AKAP13: variants seen among roughly 807,000 people sequenced by gnomAD.
The protein encoded by AKAP13 is A-kinase anchoring protein 13, also known as A-kinase anchor protein 13.
AKAP13 carries 80 observed loss-of-function variants against 264.5 expected under a neutral mutation model. The observed-to-expected ratio is 0.30, with a 90% CI of 0.25 to 0.36. The LOEUF is 0.36. Ranked by LOEUF, AKAP13 falls within the 10% of genes least tolerant of loss-of-function variation. The probability of loss-of-function intolerance (pLI) is 1.00; values close to 1 mark genes in which losing one functional copy is unlikely to be tolerated. For synonymous variants in AKAP13, 1,380 were observed against 1,250.2 expected (o/e 1.10, Z -2.19); for missense variants, 3,712 against 3,435.2 (o/e 1.08, Z -2.01).
intron 1 of AKAP13, among the ~76,000 whole-genome samples, chr15:85,410,142 T>C (rs986603221): frequency 1.3e-5 from 2 of 151,624 alleles, no homozygotes; most frequent in Non-Finnish European, 2.9e-5. Context: ...ATCTTTTGAG[T>C]AATGTCTCCT....
At chr15:85,434,490 G>A (rs2073178512) in intron 1 of AKAP13, among the ~76,000 whole-genome samples, 1 of 152,328 alleles carries the variant, frequency 6.6e-6, no homozygotes. Context: ...AGGCCTGCCT[G>A]CCTCTGTAGG....
chr15:85,650,237 C>T (rs924327967), intron 10 of AKAP13, among the ~76,000 whole-genome samples: 5 of 152,110 alleles, frequency 3.3e-5, no homozygotes, highest in Non-Finnish European at 7.3e-5. Context: ...TGACACCAGC[C>T]TGGGCAACAT....
At chr15:85,534,880 G>A (rs2151193609) in intron 4 of AKAP13, 1 of 149,370 alleles carries the variant, frequency 6.7e-6, no homozygotes, top group Non-Finnish European at 1.5e-5. Context: ...ATGTGTACCT[G>A]GAGTTCAATA....
At chr15:85,469,981 G>T (rs2074900450) in intron 1 of AKAP13, among the ~76,000 whole-genome samples, 1 of 152,144 alleles carries the variant, frequency 6.6e-6, no homozygotes, top group African/African-American at 2.4e-5. Context: ...GTAACATATA[G>T]GGCAGTACTA....
At chr15:85,387,731 T>G (rs1360278894) in intron 1 of AKAP13, among the ~76,000 whole-genome samples, 2 of 152,168 alleles carry the variant, frequency 1.3e-5, no homozygotes, top group Non-Finnish European at 2.9e-5. Flanking sequence ...AGACCTTAGA[T>G]TTTTGATTAG....
chr15:85,488,108 A>T (rs754517889), intron 2 of AKAP13, among the ~76,000 whole-genome samples: 1 of 152,146 alleles, frequency 6.6e-6, no homozygotes, highest in Non-Finnish European at 1.5e-5. Flanking sequence ...TATGCTGCCC[A>T]GGTTGGGCTC....
At chr15:85,734,135 CTT>C (rs1318841401) in intron 30 of AKAP13, among the ~76,000 whole-genome samples, 1 of 143,740 alleles carries the variant, frequency 7.0e-6, no homozygotes, top group Admixed American at 7.0e-5. Flanking sequence ...ACCCAGCTGT[CTT>C]TTGTCATTTT....
At position 85,747,775 on chromosome 15, in the gene AKAP13, G is replaced by A. The variant is rs755191479; in HGVS notation, c.*3098G>A. The A allele has an allele frequency of 6.5e-6, 1 of 152,692 alleles. No individual in the cohort carries two copies. The highest frequency in any genetic ancestry group is 2.1e-4 in the South Asian group (1 of 4,832). The allele number at this position is 152,692 out of a possible 1,614,324, so 9.5% of individuals were successfully genotyped here. ...CCTCTACCCCCGTGAGAGCTATCTG[G>A]GGGGAAGAATCCTTACCAAGGTTTT... On this transcript the variant is annotated 3_prime_UTR_variant, in exon 37 of 37. Transcript: ENST00000394518.
intron 12 of AKAP13, among the ~76,000 whole-genome samples, chr15:85,663,393 G>C (rs1383361947): frequency 6.6e-6 from 1 of 151,790 alleles, no homozygotes; most frequent in African/African-American, 2.4e-5. Context: ...CTATTATATT[G>C]AAGAAAAACA....
At chr15:85,670,184 C>T (rs2083843114) in intron 14 of AKAP13, among the ~76,000 whole-genome samples, 1 of 152,034 alleles carries the variant, frequency 6.6e-6, no homozygotes, top group Non-Finnish European at 1.5e-5. Context: ...CCCATGTATT[C>T]TTCACGTCCA....
chr15:85,499,690 C>T (rs1157625039), intron 2 of AKAP13, among the ~76,000 whole-genome samples: 2 of 151,484 alleles, frequency 1.3e-5, no homozygotes, highest in African/African-American at 4.9e-5. Context: ...TAAAGAAAAA[C>T]ACTTATCTTT....
At chr15:85,425,656 C>T (rs2072742154) in intron 1 of AKAP13, among the ~76,000 whole-genome samples, 1 of 146,872 alleles carries the variant, frequency 6.8e-6, no homozygotes, top group Non-Finnish European at 1.5e-5. Flanking sequence ...GTGGACATTG[C>T]AGTGAGTTGA....
At chr15:85,601,606 CTT>C (rs1491197977) in intron 8 of AKAP13, among the ~76,000 whole-genome samples, 20 of 46,570 alleles carry the variant, frequency 4.3e-4, no homozygotes, top group African/African-American at 1.9e-3. Context: ...CACCTGAATT[CTT>C]TGTGTGTGTG....
At chr15:85,662,508 C>T (rs2083402543) in intron 12 of AKAP13, 1 of 1,606,068 alleles carries the variant, frequency 6.2e-7, no homozygotes. Context: ...AATACGCCAT[C>T]AGGGCTTTTG....
chr15:85,693,472 T>A (rs752966419), intron 17 of AKAP13, 21 bp downstream of exon 17: 2 of 1,609,078 alleles, frequency 1.2e-6, no homozygotes, highest in East Asian at 2.2e-5. Context: ...TGCTTCTTCC[T>A]CTCGTAAGAT....
rs148518787 is a variant in AKAP13, at chr15:85,533,728, A to T, written c.326A>T (p.Asn109Ile). The T allele has an allele frequency of 2.5e-6, 4 of 1,614,104 alleles. No individual in the cohort carries two copies. The African/African-American group carries it at 4.0e-5, about 16-fold the overall frequency. The change falls in exon 4 of 37, where the codon AAT becomes ATT. Residue 109 changes from asparagine (N) to isoleucine (I), a missense_variant. Transcript: ENST00000394518. ...AAQFLATSAG[N>I]QQALNFTRFL... ...CAATTCCTAGCAACCAGTGCTGGAAATCAGCAGGCTTTGAACTTTACCCGT... is the reference window on the plus strand; with the variant it reads ...CAATTCCTAGCAACCAGTGCTGGAATTCAGCAGGCTTTGAACTTTACCCGT...
chr15:85,512,697 T>C (rs1567097112), intron 2 of AKAP13, among the ~76,000 whole-genome samples: 1 of 152,192 alleles, frequency 6.6e-6, no homozygotes, highest in Non-Finnish European at 1.5e-5. Context: ...CTTGCAGTAT[T>C]TGCAAAGCAC....
At chr15:85,399,519 AAAATAAAAAAATAAAAAAAT>A (rs2071304381) in intron 1 of AKAP13, among the ~76,000 whole-genome samples, 2 of 124,572 alleles carry the variant, frequency 1.6e-5, no homozygotes, top group Admixed American at 7.8e-5. Flanking sequence ...AAAAAAAAAA[AAAATAAAAAAATAAAAAAAT>A]AAATAAATAA....
chr15:85,410,497 C>G (rs1335495654), intron 1 of AKAP13, among the ~76,000 whole-genome samples: 1 of 151,600 alleles, frequency 6.6e-6, no homozygotes, highest in Non-Finnish European at 1.5e-5. Context: ...CTTGGCAGTC[C>G]AACTCCTTCT....
Sources: allele counts gnomAD v4.1 joint callset (sites outside exome capture counted in the v4.1 genomes callset), GRCh38; gene constraint gnomAD v4.1.1; transcripts MANE v1.5; gene names NCBI Gene and HGNC (gene_info 2026-07-23, HGNC 2026-07-21).